METTL15: variants seen among roughly 807,000 people sequenced by gnomAD.
METTL15 encodes 12S rRNA N(4)-cytidine methyltransferase METTL15.
METTL15 carries 34 observed loss-of-function variants against 38.3 expected under a neutral mutation model. That is an observed-to-expected ratio of 0.89 (90% CI 0.68 to 1.18). The LOEUF (loss-of-function observed/expected upper bound fraction) is 1.18. Ranked by LOEUF, METTL15 falls within the 50% of genes most tolerant of loss-of-function variation. The pLI is 0.00. For missense variants in METTL15, 438 were observed against 498.4 expected (o/e 0.88, Z 1.15); for synonymous variants, 162 against 170.9 (o/e 0.95, Z 0.41).
chr11:28,173,556 A>T (rs1385706531), intron 3 of METTL15, among the ~76,000 whole-genome samples: 1 of 152,100 alleles, frequency 6.6e-6, no homozygotes, highest in Non-Finnish European at 1.5e-5. Context: ...TATAACCTAT[A>T]CTCATTTTCT....
chr11:28,408,147 G>A (rs1305530125), intron 5 of METTL15, among the ~76,000 whole-genome samples: 1 of 152,088 alleles, frequency 6.6e-6, no homozygotes, highest in African/African-American at 2.4e-5. Context: ...TACACACTGG[G>A]GCCTGTTGGT....
intron 6 of METTL15, among the ~76,000 whole-genome samples, chr11:28,444,552 T>G: frequency 6.6e-6 from 1 of 152,186 alleles, no homozygotes; most frequent in East Asian, 1.9e-4. Context: ...TTGCTGAGGT[T>G]TGGAAACATA....
At chr11:28,298,565 G>T (rs1270905719) in intron 6 of METTL15, among the ~76,000 whole-genome samples, 1 of 152,008 alleles carries the variant, frequency 6.6e-6, no homozygotes, top group African/African-American at 2.4e-5. Flanking sequence ...TTGTAAACTT[G>T]CGGAAATAAC....
chr11:28,409,114 G>A (rs1850701671), intron 5 of METTL15, among the ~76,000 whole-genome samples: 1 of 152,058 alleles, frequency 6.6e-6, no homozygotes, highest in Non-Finnish European at 1.5e-5. Context: ...TGGGCGCAGT[G>A]GCTCACGCCT....
At chr11:28,309,702 G>A (rs553322991) in intron 6 of METTL15, among the ~76,000 whole-genome samples, 1 of 152,242 alleles carries the variant, frequency 6.6e-6, no homozygotes, top group African/African-American at 2.4e-5. Context: ...TAAGGGGTAA[G>A]TGTATTATTA....
At chr11:28,417,873 G>A (rs1449842395) in intron 5 of METTL15, among the ~76,000 whole-genome samples, 1 of 151,968 alleles carries the variant, frequency 6.6e-6, no homozygotes, top group South Asian at 2.1e-4. Context: ...TATAAAAATA[G>A]GTTCATCTAA....
At chr11:28,516,468 G>A (rs978507143) in intron 6 of METTL15, among the ~76,000 whole-genome samples, 5 of 152,220 alleles carry the variant, frequency 3.3e-5, no homozygotes, top group Non-Finnish European at 5.9e-5. Context: ...GAGCTGAGGA[G>A]TGAAGATAAA....
chr11:28,528,098 T>C (rs1316742394), downstream of METTL15, among the ~76,000 whole-genome samples: 1 of 152,216 alleles, frequency 6.6e-6, no homozygotes, highest in African/African-American at 2.4e-5. Context: ...CTATATTATA[T>C]AATAACTTTT....
intron 5 of METTL15, among the ~76,000 whole-genome samples, chr11:28,386,530 A>G (rs1010957695): frequency 6.6e-6 from 1 of 152,072 alleles, no homozygotes; most frequent in Non-Finnish European, 1.5e-5. Flanking sequence ...AGAAGATATA[A>G]CAATAATACA....
At chr11:28,218,723 G>A (rs771753772) in intron 4 of METTL15, among the ~76,000 whole-genome samples, 1 of 152,090 alleles carries the variant, frequency 6.6e-6, no homozygotes, top group Non-Finnish European at 1.5e-5. Context: ...ATTATTTTGA[G>A]ATACGTCCCA....
At chr11:28,357,406 A>G (rs560631676) in intron 4 of METTL15, among the ~76,000 whole-genome samples, 1 of 152,340 alleles carries the variant, frequency 6.6e-6, no homozygotes, top group South Asian at 2.1e-4. Flanking sequence ...CACATAAAAG[A>G]AAGTTCCTTT....
intron 6 of METTL15, among the ~76,000 whole-genome samples, chr11:28,429,448 G>C (rs1403696690): frequency 6.0e-5 from 7 of 115,992 alleles, no homozygotes; most frequent in African/African-American, 1.3e-4. Context: ...CTGCCATCTC[G>C]GCTCACTGCA....
chr11:28,451,791 G>GA (rs1236376288), intron 6 of METTL15, among the ~76,000 whole-genome samples: 1 of 152,182 alleles, frequency 6.6e-6, no homozygotes, highest in Non-Finnish European at 1.5e-5. Flanking sequence ...CTTCATTCTG[G>GA]AAAGACTGAA....
At chr11:28,288,764 A>T (rs1856392319) in intron 4 of METTL15, among the ~76,000 whole-genome samples, 1 of 152,148 alleles carries the variant, frequency 6.6e-6, no homozygotes, top group Admixed American at 6.6e-5. Context: ...AACCCCCATG[A>T]TACAAGTTTG....
chr11:28,418,873 G>GC (rs367580449), intron 5 of METTL15, among the ~76,000 whole-genome samples: 99 of 152,262 alleles, frequency 6.5e-4, no homozygotes, highest in African/African-American at 2.3e-3. Context: ...ATTTCGACCA[G>GC]CCCTAGCCAG....
chr11:28,447,248 T>G (rs1028456195), intron 6 of METTL15, among the ~76,000 whole-genome samples: 2 of 152,098 alleles, frequency 1.3e-5, no homozygotes, highest in Admixed American at 1.3e-4. Context: ...AATTCTCTCA[T>G]GAGATTAGGT....
chr11:28,347,643 A>C (rs539678332), intron 3 of METTL15, among the ~76,000 whole-genome samples: 1 of 152,250 alleles, frequency 6.6e-6, no homozygotes, highest in African/African-American at 2.4e-5. Flanking sequence ...GAGGAAAGTG[A>C]TCCTTCATAA....
chr11:28,406,167 G>T (rs1303632984), intron 5 of METTL15, among the ~76,000 whole-genome samples: 1 of 151,992 alleles, frequency 6.6e-6, no homozygotes, highest in Admixed American at 6.6e-5. Flanking sequence ...AGTTTAATGG[G>T]AATAGCATTG....
intron 3 of METTL15, among the ~76,000 whole-genome samples, chr11:28,203,801 T>C (rs915952470): frequency 1.3e-5 from 2 of 152,078 alleles, no homozygotes; most frequent in East Asian, 3.8e-4. Flanking sequence ...AAAGCTTGTT[T>C]TCTCATTTCA....
Sources: gnomAD v4.1 joint callset for allele counts (sites outside exome capture counted in the v4.1 genomes callset) on GRCh38, gnomAD v4.1.1 for gene constraint, MANE v1.5 for transcripts, NCBI Gene and HGNC (gene_info 2026-07-23, HGNC 2026-07-21) for gene names.